The following EZH1 variants were observed in gnomAD, a reference collection of about 807,000 sequenced individuals.
EZH1 encodes histone-lysine N-methyltransferase EZH1.
A neutral mutation model predicts 100.5 loss-of-function variants in EZH1; 33 were observed. That is an observed-to-expected ratio of 0.33 (90% CI 0.25 to 0.44). The LOEUF is 0.44. Ranked by LOEUF, EZH1 falls within the 20% of genes least tolerant of loss-of-function variation. The probability of loss-of-function intolerance (pLI) is 1.00; values close to 1 mark genes in which losing one functional copy is unlikely to be tolerated. For synonymous variants in EZH1, 272 were observed against 313.8 expected, an observed-to-expected ratio of 0.87 and a Z score of 1.41; for missense variants, 475 against 928.4, an observed-to-expected ratio of 0.51 and a Z score of 6.35.
chr17:42,730,275 A>C (rs2053913664), intron 2 of EZH1, among the ~76,000 whole-genome samples: 1 of 152,130 alleles, frequency 6.6e-6, no homozygotes, highest in Admixed American at 6.6e-5. Flanking sequence ...CCAAGTTTGC[A>C]TCCAAGGGTT....
chr17:42,734,284 C>T (rs924575077), intron 1 of EZH1, among the ~76,000 whole-genome samples: 8 of 152,070 alleles, frequency 5.3e-5, no homozygotes, highest in African/African-American at 1.7e-4. Flanking sequence ...AAGTGATCTG[C>T]CTGCCTCAGC....
chr17:42,732,592 C>T (rs1461084064), intron 1 of EZH1, among the ~76,000 whole-genome samples: 1 of 152,096 alleles, frequency 6.6e-6, no homozygotes, highest in African/African-American at 2.4e-5. Context: ...AACAGTGAAA[C>T]CCCGTCTCTA....
chr17:42,704,631 A>G lies in EZH1; in HGVS notation c.1988T>C (p.Met663Thr), dbSNP rs1423816665. 6.2e-7 allele frequency: 1 copy of G among 1,614,070 alleles called. No individual in the cohort carries two copies. Among genetic ancestry groups the G allele is most frequent in the Non-Finnish European group, 8.5e-7 (1 of 1,179,960 alleles). ...ATTGAGGTTGAAGAGGAAGCTGGACATGTATTTGTCATAGACCTTTCCGCG... is the reference window on the plus strand; with the variant it reads ...ATTGAGGTTGAAGAGGAAGCTGGACGTGTATTTGTCATAGACCTTTCCGCG... ...DRRGKVYDKY[M>T]SSFLFNLNND... Residue 663 changes from methionine to threonine, a missense_variant, in exon 18 of 21, where the codon ATG becomes ACG. Physicochemically the swap from Met to Thr is moderately conservative, Grantham distance 81. This residue lies in a region of EZH1 where 49 missense variants were observed against 164.2 expected (regional missense o/e 0.30). Transcript: ENST00000428826.
intron 10 of EZH1, chr17:42,714,606 GA>G: frequency 3.0e-6 from 1 of 331,182 alleles, no homozygotes; most frequent in Non-Finnish European, 6.1e-6. Context: ...AAATTGTTGT[GA>G]AAGTGTTGAA....
intron 1 of EZH1, 56 bp from the exon 2 acceptor site, chr17:42,730,974 C>G: frequency 1.3e-6 from 1 of 764,110 alleles, no homozygotes; most frequent in Non-Finnish European, 1.6e-6. Context: ...AAGTTAGACC[C>G]TGACACCCTC....
In EZH1 at chr17:42,709,761, G is replaced by A. The variant is rs1022255675; in HGVS notation, c.1493+85C>T. 41 of 1,299,092 alleles carry A rather than the reference G, an allele frequency of 3.2e-5. No individual in the cohort carries two copies. The African/African-American group carries it at 5.7e-4, about 18-fold the overall frequency. The allele number at this position is 1,299,092 out of a possible 1,614,324, so 80.5% of individuals were successfully genotyped here. On this transcript the variant is annotated intron_variant, in intron 13 of 20. Transcript: ENST00000428826. Reference sequence around the variant, plus strand: ...ACAGCCTGTGCGGTTGCTAAAGAGGGAGGCAGATGGGAACTCCAAGGGGAG... The same window carrying A: ...ACAGCCTGTGCGGTTGCTAAAGAGGAAGGCAGATGGGAACTCCAAGGGGAG...
intron 4 of EZH1, 30 bp downstream of exon 4, chr17:42,727,605 G>C: frequency 6.3e-7 from 1 of 1,592,514 alleles, no homozygotes; most frequent in Non-Finnish European, 8.6e-7. Flanking sequence ...AAGGAAGAGA[G>C]GAAGACTGAG....
intron 6 of EZH1, among the ~76,000 whole-genome samples, chr17:42,721,509 GA>G (rs2053705819): frequency 6.6e-6 from 1 of 152,106 alleles, no homozygotes; most frequent in African/African-American, 2.4e-5. Flanking sequence ...TGTCCTTATG[GA>G]AAACTCCTAA....
At chr17:42,715,126 A>G (rs2053573658) in intron 10 of EZH1, among the ~76,000 whole-genome samples, 2 of 140,176 alleles carry the variant, frequency 1.4e-5, no homozygotes, top group Admixed American at 1.5e-4. Context: ...TATATAATAG[A>G]TTATATGTAT....
chr17:42,738,276 C>T (rs1050767222), intron 1 of EZH1, among the ~76,000 whole-genome samples: 9 of 151,362 alleles, frequency 5.9e-5, no homozygotes, highest in Admixed American at 5.9e-4. Context: ...TTTTCATCTA[C>T]ATAAGGTGTC....
At chr17:42,704,708 T>C (rs556643491) in intron 17 of EZH1, 25 bp from the exon 18 acceptor site, 30 of 1,602,050 alleles carry the variant, frequency 1.9e-5, no homozygotes, top group Middle Eastern at 3.5e-4. Flanking sequence ...AAATAACAAA[T>C]AGGAGTATCA....
At position 42,730,874 on chromosome 17, in the gene EZH1, T is replaced by C. The variant is rs2053934539; in HGVS notation, c.-58A>G. 1 of 985,430 alleles carries C rather than the reference T, an allele frequency of 1.0e-6. No homozygotes were observed. The highest frequency in any genetic ancestry group is 1.7e-5 in the African/African-American group (1 of 57,226). The allele number at this position is 985,430 out of a possible 1,614,324, so 61.0% of individuals were successfully genotyped here. A position where few individuals can be genotyped will look rare whatever the true frequency, so the allele number is the denominator to read the frequency against. On this transcript the variant is annotated 5_prime_UTR_variant, in exon 2 of 21. Coordinates refer to ENST00000428826, the MANE Select transcript of EZH1 (RefSeq NM_001991.5). The stretch of plus-strand genomic sequence containing the variant: ...TGTTGGGTTTTACAGTGTGCCTCTG[T>C]TCTTCAGGAGAATGGCAGGACACAA...
In EZH1 at chr17:42,702,292, C is replaced by T; in HGVS notation, c.*240G>A. ...CTCGCTTCTTCTGAGGCCAGAGAAA[C>T]AGTCTCCCATTTCTGTAACTCTCTG... On this transcript the variant is annotated 3_prime_UTR_variant, in exon 21 of 21. Coordinates refer to ENST00000428826, the MANE Select transcript of EZH1 (RefSeq NM_001991.5). The T allele has an allele frequency of 2.3e-6, 1 of 431,528 alleles. No individual in the cohort carries two copies. The allele number at this position is 431,528 out of a possible 1,614,324, so 26.7% of individuals were successfully genotyped here. A position where few individuals can be genotyped will look rare whatever the true frequency, so the allele number is the denominator to read the frequency against.
rs751476816 is a variant in EZH1, at chr17:42,718,668, A to G, written c.768-51T>C. The G allele has an allele frequency of 2.9e-5, 46 of 1,596,574 alleles. No homozygotes were observed. The highest frequency in any genetic ancestry group is 6.7e-5 in the Admixed American group (4 of 59,374). ...TTCCTCCGAGGAACTGCCTCCACTG[A>G]GGAAATACAGATTGGGTACTGACAG... On this transcript the variant is annotated intron_variant, in intron 8 of 20. Transcript: ENST00000428826. The surrounding 1 kb of genome is among the most constrained non-coding windows in gnomAD (Gnocchi z 4.2).
At position 42,701,262 on chromosome 17, in the gene EZH1, C is replaced by G. The variant is rs1216673078; in HGVS notation, c.*1270G>C. ...GGCAGGGACCCTAGAGACCTTAGGC[C>G]AAACTCTACCCCAATCTATAGACCT... On this transcript the variant is annotated 3_prime_UTR_variant, in exon 21 of 21. Transcript: ENST00000428826. 4 of 152,786 alleles carry G rather than the reference C, an allele frequency of 2.6e-5. No homozygotes were observed. The highest frequency in any genetic ancestry group is 5.9e-5 in the Non-Finnish European group (4 of 68,042). The allele number at this position is 152,786 out of a possible 1,614,324, so 9.5% of individuals were successfully genotyped here. A position where few individuals can be genotyped will look rare whatever the true frequency, so the allele number is the denominator to read the frequency against.
chr17:42,704,492 G>A, intron 18 of EZH1, 110 bp downstream of exon 18: 1 of 785,068 alleles, frequency 1.3e-6, no homozygotes. Flanking sequence ...AGGCTACAGT[G>A]AGCCAAGATC....
At chr17:42,741,843 C>G (rs373761156) in intron 1 of EZH1, among the ~76,000 whole-genome samples, 4 of 151,976 alleles carry the variant, frequency 2.6e-5, no homozygotes, top group African/African-American at 9.7e-5. Flanking sequence ...CCCACACCAC[C>G]AGGCCTGGCT....
intron 6 of EZH1, 24 bp from the exon 7 acceptor site, chr17:42,720,473 T>C: frequency 6.3e-7 from 1 of 1,594,318 alleles, no homozygotes; most frequent in African/African-American, 1.3e-5. Context: ...ATTCGAAAGA[T>C]GAGCAGTGGT....
chr17:42,717,649 AGAAACTAGAGT>A (rs1336447670), intron 10 of EZH1, among the ~76,000 whole-genome samples: 2 of 152,216 alleles, frequency 1.3e-5, no homozygotes, highest in African/African-American at 4.8e-5. Context: ...AAGATAGCAA[AGAAACTAGAGT>A]GTGTACCCAC....
Sources: allele counts gnomAD v4.1 joint callset (sites outside exome capture counted in the v4.1 genomes callset), GRCh38; gene constraint gnomAD v4.1.1; regional missense constraint gnomAD v4.1.1; non-coding constraint Gnocchi (gnomAD v3.1); transcripts MANE v1.5; gene names NCBI Gene and HGNC (gene_info 2026-07-23, HGNC 2026-07-21).